Variants in GPRC5B observed in about 807,000 individuals in gnomAD.
GPRC5B encodes G protein-coupled receptor family C group 5 member B.
A neutral mutation model predicts 30.1 loss-of-function variants in GPRC5B; 16 were observed. The observed-to-expected ratio is 0.53, with a 90% CI of 0.36 to 0.81. The LOEUF is 0.81. GPRC5B is among the 30% of genes least tolerant of loss of function. The probability of loss-of-function intolerance (pLI) is 0.01; values close to 1 mark genes in which losing one functional copy is unlikely to be tolerated. For missense variants in GPRC5B, 428 were observed against 544.7 expected (o/e 0.79, Z 2.13); for synonymous variants, 241 against 239.5 (o/e 1.01, Z -0.06).
rs920681218 is a variant in GPRC5B, at chr16:19,881,627, C to G, written c.-2+3100G>C. ...TGAAACCCTGTCTCTATTACAAATA[C>G]AAAAATAAGCCGGGCGTGGTGGTGC... On this transcript the variant is annotated intron_variant, in intron 1 of 3. Coordinates refer to ENST00000300571, the MANE Select transcript of GPRC5B (RefSeq NM_016235.3). 2.2e-4 allele frequency among the ~76,000 whole-genome samples: 33 copies of G among 152,078 alleles called. 1 individual carries two copies. Among genetic ancestry groups the G allele is most frequent in the African/African-American group, 5.8e-4 (24 of 41,400 alleles).
intron 2 of GPRC5B, among the ~76,000 whole-genome samples, chr16:19,863,220 C>T (rs963245252): frequency 3.3e-5 from 5 of 151,214 alleles, no homozygotes; most frequent in African/African-American, 7.3e-5. Context: ...TGCAGTGGCA[C>T]GATCATAGCT....
intron 2 of GPRC5B, among the ~76,000 whole-genome samples, chr16:19,869,293 C>T (rs1369680402): frequency 2.8e-5 from 4 of 144,922 alleles, no homozygotes; most frequent in African/African-American, 5.2e-5. Flanking sequence ...AGAGCCACTG[C>T]ACTCCAGTCC....
chr16:19,871,281 C>CAAAAAAAAAAAAAAA (rs71375667), intron 2 of GPRC5B, among the ~76,000 whole-genome samples: 6 of 70,338 alleles, frequency 8.5e-5, no homozygotes, highest in Non-Finnish European at 1.6e-4. Flanking sequence ...GACCCTGTCT[C>CAAAAAAAAAAAAAAA]AAAAAAAAAA....
chr16:19,871,560 T>TGCAGTG (rs1258238484), intron 2 of GPRC5B, among the ~76,000 whole-genome samples: 1 of 152,188 alleles, frequency 6.6e-6, no homozygotes, highest in Non-Finnish European at 1.5e-5. Flanking sequence ...AGGCGGAGGT[T>TGCAGTG]GCAGTGAGCT....
rs2056573209 is a variant in GPRC5B, at chr16:19,857,230, C to CA, written c.*3269dup. On this transcript the variant is annotated 3_prime_UTR_variant, in exon 4 of 4. Transcript: ENST00000300571. Reference sequence around the variant, plus strand: ...ATTTAAAATGCCACAGACCGACCCTCAAGGCAGATCCGAAAGCCTAGTAGT... The same window carrying CA: ...ATTTAAAATGCCACAGACCGACCCTCAAAGGCAGATCCGAAAGCCTAGTAGT... 1 of 294,752 alleles carries CA rather than the reference C, an allele frequency of 3.4e-6. No individual in the cohort carries two copies. The highest frequency in any genetic ancestry group is 2.3e-5 in the African/African-American group (1 of 43,278). 18.3% of individuals were successfully genotyped at this position (294,752 alleles called of 1,614,324 possible).
chr16:19,868,110 C>T (rs1010490387), intron 2 of GPRC5B, among the ~76,000 whole-genome samples: 8 of 151,780 alleles, frequency 5.3e-5, no homozygotes, highest in African/African-American at 1.9e-4. Context: ...TGCGGTGGCT[C>T]ATGCCTGTAA....
chr16:19,874,237 T>G (rs2056744594), intron 1 of GPRC5B, among the ~76,000 whole-genome samples: 1 of 152,142 alleles, frequency 6.6e-6, no homozygotes, highest in Admixed American at 6.6e-5. Context: ...ATATACGAGC[T>G]GGAGTCCACA....
At position 19,871,913 on chromosome 16, in the gene GPRC5B, C is replaced by T. The variant is rs138087508; in HGVS notation, c.933G>A (p.Ser311=). Residue 311 remains serine, a synonymous_variant, in exon 2 of 4, where the codon TCG becomes TCA. Transcript: ENST00000300571. ...AGGCCGTCTCCCGCATCCTGGGCTG[C>T]GACGTGTCGAAGTAGTTGGGCGTGT... ...QENTPNYFDT[S]QPRMRETAFE... 4.0e-5 allele frequency: 65 copies of T among 1,613,860 alleles called. No homozygotes were observed. The African/African-American group carries it at 4.4e-4, about 11-fold the overall frequency.
At chr16:19,880,137 TATA>T (rs1237170279) in intron 1 of GPRC5B, among the ~76,000 whole-genome samples, 1 of 150,932 alleles carries the variant, frequency 6.6e-6, no homozygotes, top group Admixed American at 6.6e-5. Context: ...CTGCTCAAAA[TATA>T]ATAATAATAA....
chr16:19,858,039 C>A lies in GPRC5B; in HGVS notation c.*2461G>T, dbSNP rs902841155. 4.4e-4 allele frequency: 68 copies of A among 154,200 alleles called. No individual in the cohort carries two copies. Among genetic ancestry groups the A allele is most frequent in the African/African-American group, 1.4e-3 (60 of 41,538 alleles). The allele number at this position is 154,200 out of a possible 1,614,324, so 9.6% of individuals were successfully genotyped here. On this transcript the variant is annotated 3_prime_UTR_variant, in exon 4 of 4. Coordinates refer to ENST00000300571, the MANE Select transcript of GPRC5B (RefSeq NM_016235.3). ...GATCACAGATGCTCTCCTCCCGGGT[C>A]GTTTTCCCCAAACGAGTCTTGTTTA...
At chr16:19,865,926 T>C (rs1241259510) in intron 2 of GPRC5B, among the ~76,000 whole-genome samples, 6 of 152,136 alleles carry the variant, frequency 3.9e-5, no homozygotes, top group African/African-American at 1.4e-4. Context: ...AGCACTGTTT[T>C]TGTTTTTTGT....
At position 19,857,169 on chromosome 16, in the gene GPRC5B, T is replaced by C; in HGVS notation, c.*3331A>G. On this transcript the variant is annotated 3_prime_UTR_variant, in exon 4 of 4. Transcript: ENST00000300571. ...TTTATGGGTAAACTTATTACCTTAA[T>C]ATGTTCTGTGGTTTGCTGTTAACCA... The C allele has an allele frequency of 4.3e-6, 1 of 231,338 alleles. No individual in the cohort carries two copies. The highest frequency in any genetic ancestry group is 8.5e-6 in the Non-Finnish European group (1 of 118,254). 14.3% of individuals were successfully genotyped at this position (231,338 alleles called of 1,614,324 possible).
intron 1 of GPRC5B, among the ~76,000 whole-genome samples, chr16:19,876,219 C>T (rs1030903918): frequency 4.6e-5 from 7 of 152,210 alleles, no homozygotes; most frequent in African/African-American, 1.7e-4. Context: ...CAGTTTTGAC[C>T]CCAAGGGGAC....
At chr16:19,861,533 A>G (rs1447591560) in intron 3 of GPRC5B, among the ~76,000 whole-genome samples, 2 of 152,170 alleles carry the variant, frequency 1.3e-5, no homozygotes, top group African/African-American at 4.8e-5. Flanking sequence ...GCTTTTTCCA[A>G]AAGTCACCTC....
intron 1 of GPRC5B, among the ~76,000 whole-genome samples, chr16:19,877,486 T>C (rs531916780): frequency 6.6e-6 from 1 of 152,074 alleles, no homozygotes; most frequent in African/African-American, 2.4e-5. Context: ...TCCAGGATGT[T>C]TGGGGGAGGG....
rs893974593 is a variant in GPRC5B at position 19,859,513 on chromosome 16, C to G, written c.*987G>C. 2.0e-5 allele frequency: 3 copies of G among 152,218 alleles called. No individual in the cohort carries two copies. The highest frequency in any genetic ancestry group is 4.8e-5 in the African/African-American group (2 of 41,448). 9.4% of individuals were successfully genotyped at this position (152,218 alleles called of 1,614,324 possible). A position where few individuals can be genotyped will look rare whatever the true frequency, so the allele number is the denominator to read the frequency against. ...GGCAGCGAGAGGTCATCTCTGCATC[C>G]TAGTGGGAACCCCTGAAGCCCTGCT... On this transcript the variant is annotated 3_prime_UTR_variant, in exon 4 of 4. Coordinates refer to ENST00000300571, the MANE Select transcript of GPRC5B (RefSeq NM_016235.3).
chr16:19,861,701 T>A, intron 3 of GPRC5B, 136 bp downstream of exon 3: 1 of 656,284 alleles, frequency 1.5e-6, no homozygotes. Context: ...ATAAAAGCAT[T>A]GCATGCGTTT....
chr16:19,883,227 G>A (rs915649767), intron 1 of GPRC5B, among the ~76,000 whole-genome samples: 3 of 151,870 alleles, frequency 2.0e-5, no homozygotes, highest in Non-Finnish European at 4.4e-5. Flanking sequence ...AAGATTCTGA[G>A]TTTATCTTTC....
intron 2 of GPRC5B, among the ~76,000 whole-genome samples, chr16:19,870,694 G>A (rs138691283): frequency 3.0e-3 from 458 of 152,268 alleles, no homozygotes; most frequent in African/African-American, 0.01. Flanking sequence ...CAAATGCTTT[G>A]GGGGAGCCAG....
Sources: gnomAD v4.1 joint callset for allele counts (sites outside exome capture counted in the v4.1 genomes callset) on GRCh38, gnomAD v4.1.1 for gene constraint, MANE v1.5 for transcripts, NCBI Gene and HGNC (gene_info 2026-07-23, HGNC 2026-07-21) for gene names.